Variants in ATRNL1 observed in about 807,000 individuals in gnomAD.
ATRNL1 encodes the protein attractin like 1.
ATRNL1 carries 95 observed loss-of-function variants against 182.7 expected under a neutral mutation model. The ratio of observed to expected loss-of-function variants is 0.52; its 90% confidence interval spans 0.44 to 0.62. ATRNL1 has a LOEUF of 0.62. Ranked by LOEUF, ATRNL1 falls within the 20% of genes least tolerant of loss-of-function variation. ATRNL1 has a pLI of 0.00. For missense variants in ATRNL1, 1,471 were observed against 1,679.5 expected, an observed-to-expected ratio of 0.88 and a Z score of 2.17; for synonymous variants, 576 against 568.3, an observed-to-expected ratio of 1.01 and a Z score of -0.19.
At chr10:115,304,749 A>G (rs1372093630) in intron 17 of ATRNL1, among the ~76,000 whole-genome samples, 2 of 152,104 alleles carry the variant, frequency 1.3e-5, no homozygotes, top group East Asian at 3.9e-4. Flanking sequence ...ATGATGTTCT[A>G]CACACATGGG....
intron 26 of ATRNL1, among the ~76,000 whole-genome samples, chr10:115,577,268 C>A (rs544703589): frequency 2.0e-5 from 3 of 151,578 alleles, no homozygotes; most frequent in Non-Finnish European, 4.4e-5. Context: ...TGAAAAATAT[C>A]TTTGGAATTT....
intron 26 of ATRNL1, among the ~76,000 whole-genome samples, chr10:115,682,170 C>T (rs1946067028): frequency 6.6e-6 from 1 of 152,142 alleles, no homozygotes. Context: ...ACCCTAGCTC[C>T]ACAACTTACT....
chr10:115,234,882 G>C (rs1051787359), intron 9 of ATRNL1, among the ~76,000 whole-genome samples: 4 of 152,158 alleles, frequency 2.6e-5, no homozygotes, highest in South Asian at 2.1e-4. Context: ...AGCCGGATTT[G>C]ATTTCTTAAT....
chr10:115,367,571 TC>T (rs1857120470), intron 19 of ATRNL1, among the ~76,000 whole-genome samples: 1 of 152,058 alleles, frequency 6.6e-6, no homozygotes, highest in Admixed American at 6.6e-5. Flanking sequence ...AGGAACTGCG[TC>T]CCTTTGGAGG....
chr10:115,199,849 C>T (rs977292876), intron 8 of ATRNL1, among the ~76,000 whole-genome samples: 9 of 152,136 alleles, frequency 5.9e-5, no homozygotes, highest in Non-Finnish European at 1.0e-4. Flanking sequence ...TGTTTGAATG[C>T]TTCTATTCAG....
intron 22 of ATRNL1, among the ~76,000 whole-genome samples, chr10:115,462,626 A>G (rs1554969989): frequency 6.6e-6 from 1 of 152,078 alleles, no homozygotes; most frequent in Non-Finnish European, 1.5e-5. Flanking sequence ...ATAAATAAAT[A>G]AATAAAACTA....
intron 13 of ATRNL1, among the ~76,000 whole-genome samples, chr10:115,279,511 A>G (rs1358197475): frequency 2.0e-5 from 3 of 152,216 alleles, no homozygotes; most frequent in African/African-American, 7.2e-5. Context: ...CTCTTCAGTC[A>G]ACAGATAGGC....
At chr10:115,826,636 G>A (rs559486476) in intron 27 of ATRNL1, among the ~76,000 whole-genome samples, 1 of 152,144 alleles carries the variant, frequency 6.6e-6, no homozygotes, top group Non-Finnish European at 1.5e-5. Flanking sequence ...ACGGACACCG[G>A]AGAGCGAGTA....
At chr10:115,167,151 ACTGT>A (rs1195302854) in intron 7 of ATRNL1, among the ~76,000 whole-genome samples, 3 of 151,724 alleles carry the variant, frequency 2.0e-5, no homozygotes, top group African/African-American at 7.3e-5. Flanking sequence ...TAAAAAAGAA[ACTGT>A]CTTTTTCCCA....
intron 27 of ATRNL1, among the ~76,000 whole-genome samples, chr10:115,841,589 A>C (rs1297554233): frequency 2.0e-5 from 3 of 152,088 alleles, no homozygotes; most frequent in Non-Finnish European, 4.4e-5. Context: ...GTAATACTTT[A>C]TTCTCTTTGA....
At chr10:115,204,464 A>G (rs782819725) in intron 8 of ATRNL1, among the ~76,000 whole-genome samples, 5 of 152,202 alleles carry the variant, frequency 3.3e-5, no homozygotes, top group Middle Eastern at 3.4e-3. Context: ...CATTCCTTTG[A>G]TACCTAATTT....
chr10:115,897,646 C>T (rs1952241515), intron 28 of ATRNL1, among the ~76,000 whole-genome samples: 2 of 152,066 alleles, frequency 1.3e-5, no homozygotes, highest in Admixed American at 6.6e-5. Context: ...CTCTCGGCTC[C>T]AGCTATTTGT....
intron 21 of ATRNL1, among the ~76,000 whole-genome samples, chr10:115,436,055 G>A (rs1404070392): frequency 2.6e-5 from 4 of 152,104 alleles, no homozygotes; most frequent in African/African-American, 7.2e-5. Flanking sequence ...AGATCATATT[G>A]TAGATTATCA....
At chr10:115,118,043 T>C (rs578211957) in intron 1 of ATRNL1, among the ~76,000 whole-genome samples, 11 of 152,048 alleles carry the variant, frequency 7.2e-5, no homozygotes, top group Non-Finnish European at 8.8e-5. Context: ...ATTTTTAAAA[T>C]TGGATTGTTG....
At chr10:115,194,685 A>T (rs1444898715) in intron 8 of ATRNL1, among the ~76,000 whole-genome samples, 1 of 151,854 alleles carries the variant, frequency 6.6e-6, no homozygotes, top group Non-Finnish European at 1.5e-5. Context: ...GTCCGTTTAC[A>T]TTCAATATTA....
intron 28 of ATRNL1, among the ~76,000 whole-genome samples, chr10:115,874,700 T>C (rs1239457595): frequency 1.3e-5 from 2 of 152,132 alleles, no homozygotes; most frequent in African/African-American, 4.8e-5. Flanking sequence ...TTCCAAGTGA[T>C]AGAAACCTGG....
At chr10:115,165,318 C>T (rs1164267469) in intron 6 of ATRNL1, among the ~76,000 whole-genome samples, 1 of 151,746 alleles carries the variant, frequency 6.6e-6, no homozygotes, top group Non-Finnish European at 1.5e-5. Context: ...TAATAAATAT[C>T]CTAATCAAGT....
intron 27 of ATRNL1, among the ~76,000 whole-genome samples, chr10:115,827,303 C>T (rs1589566496): frequency 6.6e-6 from 1 of 152,212 alleles, no homozygotes; most frequent in South Asian, 2.1e-4. Context: ...AGGCCACACC[C>T]CCTGCAAACT....
At chr10:115,463,259 G>A (rs1847901474) in intron 22 of ATRNL1, among the ~76,000 whole-genome samples, 1 of 150,352 alleles carries the variant, frequency 6.7e-6, no homozygotes, top group Non-Finnish European at 1.5e-5. Context: ...CCAAAAAAAA[G>A]AACAGTTCAT....
Sources: gnomAD v4.1 joint callset for allele counts (sites outside exome capture counted in the v4.1 genomes callset) on GRCh38, gnomAD v4.1.1 for gene constraint, MANE v1.5 for transcripts, NCBI Gene and HGNC (gene_info 2026-07-23, HGNC 2026-07-21) for gene names.